The following BIN1 variants were observed in gnomAD, a reference collection of about 807,000 sequenced individuals.
BIN1 encodes the protein myc box-dependent-interacting protein 1.
Under a neutral mutation model 82.0 loss-of-function variants are expected in BIN1, and 53 were observed. The ratio of observed to expected loss-of-function variants is 0.65; its 90% CI spans 0.52 to 0.81. The LOEUF (loss-of-function observed/expected upper bound fraction) is 0.81. Among genes scored for constraint, BIN1 ranks in the 40% least tolerant of loss-of-function variants. The probability of loss-of-function intolerance (pLI) is 0.00; values close to 1 mark genes in which losing one functional copy is unlikely to be tolerated. For synonymous variants in BIN1, 302 were observed against 328.0 expected, an observed-to-expected ratio of 0.92 and a Z score of 0.86; for missense variants, 642 against 784.4, an observed-to-expected ratio of 0.82 and a Z score of 2.17.
rs143258043 is a variant in BIN1 at position 127,050,466 on chromosome 2, A to C, written c.1629T>G (p.Ala543=). ...AGGGGATCACCAGCACCACATCACC[A>C]GCCTTGAGCTGCAGCTCGTCTGTGT... ...ATDTDELQLK[A]GDVVLVIPFQ... The change falls in exon 18 of 19, where the codon GCT becomes GCG. Residue 543 remains alanine, a synonymous_variant. Transcript: ENST00000316724. 105 of 1,614,166 alleles carry C rather than the reference A, an allele frequency of 6.5e-5. No homozygotes were observed. In the African/African-American group the frequency reaches 1.3e-3, roughly 20 times the overall value.
rs1227930798 is a variant in BIN1, at chr2:127,090,764, T to C, written c.85-14058A>G. On this transcript the variant is annotated intron_variant, in intron 1 of 18. Transcript: ENST00000316724. This position sits in a 1 kb window ranked among gnomAD's most constrained non-coding sequence, Gnocchi z 6.4. ...AAGGTCTGGCCAGCACCCACCTGCC[T>C]TGGGGCCAAGTGAAGGTCTGAGCTG... Among the ~76,000 whole-genome samples the C allele has an allele frequency of 1.3e-5, 2 of 152,140 alleles. No homozygotes were observed. The highest frequency in any genetic ancestry group is 2.9e-5 in the Non-Finnish European group (2 of 68,004).
intron 9 of BIN1, 36 bp downstream of exon 9, chr2:127,063,535 G>C (rs377143466): frequency 8.1e-6 from 13 of 1,600,350 alleles, no homozygotes; most frequent in Non-Finnish European, 1.1e-5. Flanking sequence ...CGGCCAGGGT[G>C]GGGTGTGGCC....
At chr2:127,101,965 T>G (rs932952864) in intron 1 of BIN1, among the ~76,000 whole-genome samples, 6 of 152,150 alleles carry the variant, frequency 3.9e-5, no homozygotes, top group African/African-American at 9.7e-5. Flanking sequence ...AGGTGCCACA[T>G]GTGGGCTCAA....
In BIN1 at chr2:127,060,459, G is replaced by A. The variant is rs533703215; in HGVS notation, c.858-1304C>T. The A allele has an allele frequency of 1.2e-5, 16 of 1,331,188 alleles. No individual in the cohort carries two copies. In the African/African-American group the frequency reaches 1.4e-4, roughly 12 times the overall value. The allele number at this position is 1,331,188 out of a possible 1,614,324, so 82.5% of individuals were successfully genotyped here. A position where few individuals can be genotyped will look rare whatever the true frequency, so the allele number is the denominator to read the frequency against. On this transcript the variant is annotated intron_variant, in intron 10 of 18. Coordinates refer to ENST00000316724, the MANE Select transcript of BIN1 (RefSeq NM_139343.3). ...CCGCCTTCCCACCCAACACGCACAC[G>A]ACAGCCCTGCCGGGCAGCACTGCAC... is the stretch of plus-strand genomic sequence containing the variant.
Position 127,063,599 on chromosome 2 carries a change from T to A in BIN1, c.746A>T (p.Glu249Val). The A allele has an allele frequency of 6.2e-7, 1 of 1,613,952 alleles. No homozygotes were observed. Among genetic ancestry groups the A allele is most frequent in the Non-Finnish European group, 8.5e-7 (1 of 1,179,976 alleles). ...GCTCATCTCCTTGTGGAAGTTTTCC[T>A]CCAGGCCCGCGATGCTCTGGAACGT... ...VNTFQSIAGL[E>V]ENFHKEMSKL... is the part of the protein sequence containing the mutation. Residue 249 changes from glutamate to valine, a missense_variant, in exon 9 of 19, where the codon GAG becomes GTG. Glu to Val is a moderately radical substitution (Grantham distance 121, BLOSUM62 -2). Transcript: ENST00000316724.
chr2:127,069,860 G>A (rs2105068532), intron 5 of BIN1, 135 bp downstream of exon 5: 1 of 843,582 alleles, frequency 1.2e-6, no homozygotes, highest in Non-Finnish European at 1.9e-6. Flanking sequence ...AACCCCGGAG[G>A]GGTGAAACAC....
chr2:127,073,244 C>T (rs531720419), intron 2 of BIN1, among the ~76,000 whole-genome samples: 238 of 152,348 alleles, frequency 1.6e-3, no homozygotes, highest in African/African-American at 2.4e-3. Flanking sequence ...AGCCCTCCCC[C>T]GACGGAGGCC....
At chr2:127,073,489 G>A (rs555514785) in intron 2 of BIN1, among the ~76,000 whole-genome samples, 15 of 152,262 alleles carry the variant, frequency 9.9e-5, no homozygotes, top group Admixed American at 1.3e-4. Context: ...CAGCTCCAGC[G>A]CGGCTGGGCT....
intron 10 of BIN1, among the ~76,000 whole-genome samples, chr2:127,061,752 G>A (rs868463941): frequency 6.6e-6 from 1 of 152,146 alleles, no homozygotes; most frequent in Non-Finnish European, 1.5e-5. Flanking sequence ...TGCTCTGAGA[G>A]GACTGCACAC....
rs1678823951 is a variant in BIN1, at chr2:127,090,750, A to G, written c.85-14044T>C. 6.6e-6 allele frequency among the ~76,000 whole-genome samples: 1 copy of G among 152,174 alleles called. No homozygotes were observed. Among genetic ancestry groups the G allele is most frequent in the African/African-American group, 2.4e-5 (1 of 41,440 alleles). On this transcript the variant is annotated intron_variant, in intron 1 of 18. Transcript: ENST00000316724. The surrounding 1 kb of genome is among the most constrained non-coding windows in gnomAD (Gnocchi z 6.4). ...GGCAGGGGAGGGGGAAGGTCTGGCC[A>G]GCACCCACCTGCCTTGGGGCCAAGT...
At chr2:127,078,208 C>A (rs1273312160) in intron 1 of BIN1, among the ~76,000 whole-genome samples, 5 of 152,352 alleles carry the variant, frequency 3.3e-5, no homozygotes, top group Non-Finnish European at 5.9e-5. Context: ...GGCCCAGAAG[C>A]CTTGGCAAGG....
chr2:127,075,801 C>G (rs1478433084), intron 2 of BIN1, among the ~76,000 whole-genome samples: 6 of 86,954 alleles, frequency 6.9e-5, no homozygotes, highest in East Asian at 3.0e-4. Flanking sequence ...TCCCAGCTGC[C>G]CCCCCCACCG....
intron 1 of BIN1, among the ~76,000 whole-genome samples, chr2:127,083,143 T>C (rs1687517829): frequency 6.6e-6 from 1 of 151,612 alleles, no homozygotes. Context: ...CTAGAGTACA[T>C]GGCGCAATCA....
intron 15 of BIN1, among the ~76,000 whole-genome samples, chr2:127,051,720 G>A (rs555589595): frequency 6.6e-6 from 1 of 152,210 alleles, no homozygotes; most frequent in Admixed American, 6.5e-5. Context: ...TGCAGCCTGT[G>A]CGCAGCCCAA....
At position 127,067,770 on chromosome 2, in the gene BIN1, G is replaced by T. The variant is rs533112021; in HGVS notation, c.612+393C>A. 6.6e-6 allele frequency among the ~76,000 whole-genome samples: 1 copy of T among 152,354 alleles called. No homozygotes were observed. The highest frequency in any genetic ancestry group is 2.1e-4 in the South Asian group (1 of 4,826). Reference sequence around the variant, plus strand: ...GCTCAGTAAATTCAAGATGATCTCAGAGTTGTCATGTGGCTTGAAGGACAG... The same window carrying T: ...GCTCAGTAAATTCAAGATGATCTCATAGTTGTCATGTGGCTTGAAGGACAG... On this transcript the variant is annotated intron_variant, in intron 7 of 18. Transcript: ENST00000316724. This position sits in a 1 kb window ranked among gnomAD's most constrained non-coding sequence, Gnocchi z 4.7.
intron 9 of BIN1, 35 bp downstream of exon 9, chr2:127,063,536 G>C (rs1331041035): frequency 6.2e-7 from 1 of 1,602,098 alleles, no homozygotes; most frequent in Non-Finnish European, 8.5e-7. Flanking sequence ...GGCCAGGGTG[G>C]GGTGTGGCCC....
At chr2:127,094,327 A>G (rs1679307004) in intron 1 of BIN1, among the ~76,000 whole-genome samples, 1 of 152,244 alleles carries the variant, frequency 6.6e-6, no homozygotes, top group Non-Finnish European at 1.5e-5. Context: ...GAAGCCTCAC[A>G]TGCCAATTCA....
intron 2 of BIN1, among the ~76,000 whole-genome samples, chr2:127,074,632 G>C (rs940643930): frequency 6.6e-6 from 1 of 152,222 alleles, no homozygotes; most frequent in Non-Finnish European, 1.5e-5. Flanking sequence ...TTCAGCCCTG[G>C]GGCCAGGCCA....
intron 9 of BIN1, 116 bp downstream of exon 9, chr2:127,063,455 C>T (rs1458265453): frequency 7.0e-6 from 8 of 1,137,306 alleles, no homozygotes; most frequent in Non-Finnish European, 1.0e-5. Context: ...CTGTGGTCAC[C>T]GGTGTGTGCT....
Sources: gnomAD v4.1 joint callset for allele counts (sites outside exome capture counted in the v4.1 genomes callset) on GRCh38, gnomAD v4.1.1 for gene constraint, Gnocchi (gnomAD v3.1) non-coding constraint, MANE v1.5 for transcripts, NCBI Gene and HGNC (gene_info 2026-07-23, HGNC 2026-07-21) for gene names.